SLC12A1: variants seen among roughly 807,000 people sequenced by gnomAD.
The protein encoded by SLC12A1 is solute carrier family 12 member 1.
A neutral mutation model predicts 130.4 loss-of-function variants in SLC12A1; 89 were observed. That is an observed-to-expected ratio of 0.68 (90% confidence interval 0.58 to 0.81). SLC12A1 has a LOEUF of 0.81. Ranked by LOEUF, SLC12A1 falls within the 40% of genes least tolerant of loss-of-function variation. The pLI, the probability that SLC12A1 is intolerant of heterozygous loss-of-function variation, is 0.00. For missense variants in SLC12A1, 1,310 were observed against 1,336.4 expected, an observed-to-expected ratio of 0.98 and a Z score of 0.31; for synonymous variants, 499 against 460.0, an observed-to-expected ratio of 1.08 and a Z score of -1.09.
At chr15:48,252,071 C>T (rs960409538) in intron 15 of SLC12A1, among the ~76,000 whole-genome samples, 1 of 151,880 alleles carries the variant, frequency 6.6e-6, no homozygotes, top group Non-Finnish European at 1.5e-5. Context: ...GGTGTGGTGG[C>T]GGGCCCCTGT....
At position 48,255,896 on chromosome 15, in the gene SLC12A1, C is replaced by T. The variant is rs145784441; in HGVS notation, c.2028C>T (p.His676=). 60 of 1,593,638 alleles carry T rather than the reference C, an allele frequency of 3.8e-5. 1 individual carries two copies. The highest frequency in any genetic ancestry group is 8.0e-5 in the South Asian group (7 of 87,414). Reference sequence around the variant, plus strand: ...TGGAATTAACCACAGTGGAAGACCACGTAAAAAACTTCAGGTAAAGCTGGT... The same window carrying T: ...TGGAATTAACCACAGTGGAAGACCATGTAAAAAACTTCAGGTAAAGCTGGT... ...NALELTTVED[H]VKNFRPQCIV... The change falls in exon 16 of 27, where the codon CAC becomes CAT. Residue 676 remains histidine (H), a synonymous_variant. Transcript: ENST00000380993.
In SLC12A1 at chr15:48,244,926, T is replaced by C. The variant is rs2041560664; in HGVS notation, c.1452+22T>C. ...CCAGGTTTGAAGCAAAATTCAAAAA[T>C]GTTCACTGCTATTATTTTCATTTTT... On this transcript the variant is annotated intron_variant, in intron 11 of 26. Transcript: ENST00000380993. 1.9e-6 allele frequency: 3 copies of C among 1,610,136 alleles called. No individual in the cohort carries two copies. The East Asian group carries it at 6.7e-5, about 36-fold the overall frequency.
chr15:48,212,864 T>C (rs1214225403), intron 2 of SLC12A1, among the ~76,000 whole-genome samples: 1 of 152,202 alleles, frequency 6.6e-6, no homozygotes, highest in Non-Finnish European at 1.5e-5. Context: ...CATTATGCTG[T>C]TAACAACTAC....
chr15:48,227,076 C>T (rs1222048630), intron 5 of SLC12A1: 3 of 1,548,916 alleles, frequency 1.9e-6, no homozygotes, highest in South Asian at 2.4e-5. Flanking sequence ...GGGGATTTTG[C>T]AGGTCTTGGA....
At chr15:48,264,194 C>T (rs2041806273) in intron 17 of SLC12A1, among the ~76,000 whole-genome samples, 1 of 152,112 alleles carries the variant, frequency 6.6e-6, no homozygotes, top group South Asian at 2.1e-4. Flanking sequence ...TTACTTTAAA[C>T]CTGATTGTCC....
chr15:48,244,247 C>T (rs193301480), intron 10 of SLC12A1, among the ~76,000 whole-genome samples: 13 of 152,174 alleles, frequency 8.5e-5, no homozygotes, highest in Non-Finnish European at 1.8e-4. Flanking sequence ...CCATTAAAAC[C>T]GCATATAATG....
Position 48,288,150 on chromosome 15 carries a change from G to T in SLC12A1, c.2737G>T (p.Val913Phe), listed in dbSNP as rs747738761. Reference sequence around the variant, plus strand: ...GAAACAAGAAAAAGGCACAATTGATGTTTGGTGGTTGTTTGATGATGGAGG... The same window carrying T: ...GAAACAAGAAAAAGGCACAATTGATTTTTGGTGGTTGTTTGATGATGGAGG... ...KKKQEKGTID[V>F]WWLFDDGGLT... The change falls in exon 22 of 27, where the codon GTT (valine) becomes TTT (phenylalanine). Residue 913 changes from valine to phenylalanine, a missense_variant. Physicochemically the swap from Val to Phe is conservative, Grantham distance 50. Coordinates refer to ENST00000380993, the MANE Select transcript of SLC12A1 (RefSeq NM_000338.3). 1 of 1,609,870 alleles carries T rather than the reference G, an allele frequency of 6.2e-7. No homozygotes were observed.
chr15:48,260,507 T>C (rs1665904495), intron 17 of SLC12A1, among the ~76,000 whole-genome samples: 2 of 152,174 alleles, frequency 1.3e-5, no homozygotes, highest in East Asian at 1.9e-4. Flanking sequence ...AATAGCCTAG[T>C]GAAGCAGGAA....
intron 20 of SLC12A1, among the ~76,000 whole-genome samples, chr15:48,284,808 G>T (rs1026412106): frequency 2.0e-5 from 3 of 151,850 alleles, no homozygotes; most frequent in Non-Finnish European, 2.9e-5. Flanking sequence ...TTTTTGTATC[G>T]TTCATAGAGA....
chr15:48,244,850 C>T lies in SLC12A1; in HGVS notation c.1398C>T (p.Asp466=). The T allele has an allele frequency of 1.2e-6, 2 of 1,613,970 alleles. No homozygotes were observed. Among genetic ancestry groups the T allele is most frequent in the South Asian group, 2.2e-5 (2 of 91,082 alleles). Reference sequence around the variant, plus strand: ...CAGCAGCATGTGGGTTGGGCTATGACTTCTCAAGATGTCGACATGAACCAT... The same window carrying T: ...CAGCAGCATGTGGGTTGGGCTATGATTTCTCAAGATGTCGACATGAACCAT... The part of the protein sequence containing the change: ...NGSAACGLGY[D]FSRCRHEPCQ... The change falls in exon 11 of 27, where the codon GAC becomes GAT. Residue 466 remains aspartate (D), a synonymous_variant. Coordinates refer to ENST00000380993, the MANE Select transcript of SLC12A1 (RefSeq NM_000338.3).
rs1363004070 is a variant in SLC12A1 at position 48,229,097 on chromosome 15, T to C, written c.725-92T>C. The C allele has an allele frequency of 5.2e-6, 7 of 1,337,694 alleles. No homozygotes were observed. In the East Asian group the frequency reaches 1.8e-4, roughly 34 times the overall value. 82.9% of individuals were successfully genotyped at this position (1,337,694 alleles called of 1,614,324 possible). A position where few individuals can be genotyped will look rare whatever the true frequency, so the allele number is the denominator to read the frequency against. ...AGTTGTAATACTGTTATTGAAATAATTCACACTGTAAATGTTCTCAGATAG... is the reference window on the plus strand; with the variant it reads ...AGTTGTAATACTGTTATTGAAATAACTCACACTGTAAATGTTCTCAGATAG... On this transcript the variant is annotated intron_variant, in intron 5 of 26. Transcript: ENST00000380993.
chr15:48,243,964 T>C (rs1443663712), intron 10 of SLC12A1, among the ~76,000 whole-genome samples: 1 of 152,210 alleles, frequency 6.6e-6, no homozygotes, highest in Admixed American at 6.5e-5. Flanking sequence ...AAAGATTAGT[T>C]AGAAAAAATC....
rs113355707 is a variant in SLC12A1 at position 48,234,624 on chromosome 15, A to G, written c.1088-253A>G. ...CCAGGTGTGGTGGCGGGCGCCTGTA[A>G]TCCCAGCTACTTGCGGGGGCCGAGG... On this transcript the variant is annotated intron_variant, in intron 8 of 26. Transcript: ENST00000380993. Among the ~76,000 whole-genome samples, 4,379 of 152,046 alleles carry G rather than the reference A, an allele frequency of 0.029. 219 individuals carry two copies. The highest frequency in any genetic ancestry group is 0.1 in the African/African-American group (4,219 of 41,436).
intron 18 of SLC12A1, among the ~76,000 whole-genome samples, chr15:48,269,075 A>G (rs1412319975): frequency 6.6e-6 from 1 of 152,182 alleles, no homozygotes; most frequent in African/African-American, 2.4e-5. Flanking sequence ...TGTTGAATTA[A>G]ATTTGATTAA....
intron 2 of SLC12A1, among the ~76,000 whole-genome samples, chr15:48,213,955 G>T (rs545608349): frequency 6.6e-6 from 1 of 152,192 alleles, no homozygotes; most frequent in African/African-American, 2.4e-5. Context: ...TCTATAAAAG[G>T]ACAAAAATGT....
At chr15:48,250,577 G>A (rs1209990746) in intron 14 of SLC12A1, among the ~76,000 whole-genome samples, 1 of 151,806 alleles carries the variant, frequency 6.6e-6, no homozygotes, top group African/African-American at 2.4e-5. Context: ...CCAGGGAAAA[G>A]AGTAAAAAAG....
intron 9 of SLC12A1, 198 bp downstream of exon 9, chr15:48,235,202 G>T (rs936285618): frequency 1.1e-5 from 7 of 651,996 alleles, no homozygotes; most frequent in African/African-American, 9.0e-5. Context: ...TCTTCCAAAA[G>T]TCTTATTCAG....
chr15:48,253,600 G>A (rs1283351385), intron 15 of SLC12A1, among the ~76,000 whole-genome samples: 2 of 152,140 alleles, frequency 1.3e-5, no homozygotes, highest in Non-Finnish European at 2.9e-5. Flanking sequence ...CCAGTTGATG[G>A]TCATCTGAGT....
Position 48,232,760 on chromosome 15 carries a change from G to A in SLC12A1, c.1009G>A (p.Ala337Thr). Reference protein sequence around the residue: ...QVILLVILLIAIANFFIGTVI... With the variant: ...QVILLVILLITIANFFIGTVI... ...CATTCTTCTGGTCATTCTTCTAATT[G>A]CTATTGCAAACTTCTTCATTGGAAC... Residue 337 changes from alanine (A) to threonine (T), a missense_variant, in exon 8 of 27, where the codon GCT becomes ACT. Coordinates refer to ENST00000380993, the MANE Select transcript of SLC12A1 (RefSeq NM_000338.3). The A allele has an allele frequency of 6.2e-7, 1 of 1,612,890 alleles. No individual in the cohort carries two copies.
Sources: allele counts gnomAD v4.1 joint callset (sites outside exome capture counted in the v4.1 genomes callset), GRCh38; gene constraint gnomAD v4.1.1; transcripts MANE v1.5; gene names NCBI Gene and HGNC (gene_info 2026-07-23, HGNC 2026-07-21).